LARGE1: variants seen among roughly 807,000 people sequenced by gnomAD.
LARGE1 encodes LARGE xylosyl- and glucuronyltransferase 1.
LARGE1 carries 43 observed loss-of-function variants against 87.6 expected under a neutral mutation model. That is an observed-to-expected ratio of 0.49 (90% confidence interval 0.38 to 0.63). The LOEUF is 0.63. LARGE1 is among the 30% of genes least tolerant of loss of function. The pLI is 0.00. For synonymous variants in LARGE1, 434 were observed against 394.6 expected (o/e 1.10, Z -1.18); for missense variants, 802 against 1,000.2 (o/e 0.80, Z 2.67).
chr22:33,710,073 C>T (rs535536475), intron 2 of LARGE1, among the ~76,000 whole-genome samples: 26 of 151,722 alleles, frequency 1.7e-4, no homozygotes, highest in South Asian at 1.0e-3. Context: ...ATGCTACTGC[C>T]GTTCAACAAA....
rs191670684 is a variant in LARGE1 at position 33,661,928 on chromosome 22, G to C, written c.107-11260C>G. Among the ~76,000 whole-genome samples the C allele has an allele frequency of 1.8e-4, 27 of 152,112 alleles. 1 individual carries two copies. The highest frequency in any genetic ancestry group is 1.7e-3 in the Admixed American group (26 of 15,288). ...AAGACAGTTGTTCCATGAATGTCTT[G>C]GGACTGTAAGAAGAAAACTGAATGT... On this transcript the variant is annotated intron_variant, in intron 2 of 14. Coordinates refer to ENST00000397394, the MANE Select transcript of LARGE1 (RefSeq NM_133642.5).
chr22:33,737,023 G>T (rs543691592), intron 2 of LARGE1, among the ~76,000 whole-genome samples: 1 of 152,102 alleles, frequency 6.6e-6, no homozygotes, highest in Non-Finnish European at 1.5e-5. Context: ...TGACATGCAC[G>T]AAGACCTGGA....
intron 5 of LARGE1, among the ~76,000 whole-genome samples, chr22:33,578,815 C>T (rs181203747): frequency 4.9e-4 from 75 of 152,250 alleles, no homozygotes; most frequent in Admixed American, 2.4e-3. Flanking sequence ...ATTAATTGTA[C>T]TCAGAAATGG....
chr22:33,494,409 A>G (rs2070001950), intron 6 of LARGE1, among the ~76,000 whole-genome samples: 1 of 152,254 alleles, frequency 6.6e-6, no homozygotes, highest in Non-Finnish European at 1.5e-5. Context: ...TGCTTCTAAA[A>G]TATAACAAAG....
At chr22:33,799,228 G>A (rs1048707348) in intron 1 of LARGE1, among the ~76,000 whole-genome samples, 2 of 151,984 alleles carry the variant, frequency 1.3e-5, no homozygotes, top group Non-Finnish European at 2.9e-5. Context: ...GGTAGGATGC[G>A]AGCCTATCCA....
chr22:33,909,395 A>G (rs548140272), intron 1 of LARGE1, among the ~76,000 whole-genome samples: 8 of 152,130 alleles, frequency 5.3e-5, no homozygotes, highest in African/African-American at 1.7e-4. Flanking sequence ...CCCCGCTTCA[A>G]TTTGTCCCAG....
At chr22:33,257,570 G>A (rs897707480) in intron 11 of LARGE1, among the ~76,000 whole-genome samples, 11 of 152,168 alleles carry the variant, frequency 7.2e-5, no homozygotes, top group Admixed American at 6.5e-4. Context: ...GACCTCCCTA[G>A]GAGATAACGC....
intron 2 of LARGE1, among the ~76,000 whole-genome samples, chr22:33,692,243 C>G (rs907181947): frequency 2.6e-5 from 4 of 152,182 alleles, no homozygotes; most frequent in African/African-American, 9.7e-5. Flanking sequence ...CAAAACTATT[C>G]ATGCAGCCAT....
chr22:33,232,730 C>A (rs1926068606), intron 11 of LARGE1, among the ~76,000 whole-genome samples: 1 of 152,136 alleles, frequency 6.6e-6, no homozygotes, highest in African/African-American at 2.4e-5. Flanking sequence ...GAAAGCTGGG[C>A]AGCATGGAAG....
intron 6 of LARGE1, among the ~76,000 whole-genome samples, chr22:33,533,560 T>C (rs1468426560): frequency 6.6e-6 from 1 of 152,216 alleles, no homozygotes; most frequent in Non-Finnish European, 1.5e-5. Flanking sequence ...CCAACAGATG[T>C]AAAATGCCCC....
chr22:33,231,987 T>C (rs952657063), intron 11 of LARGE1, among the ~76,000 whole-genome samples: 5 of 152,182 alleles, frequency 3.3e-5, no homozygotes, highest in Admixed American at 2.6e-4. Flanking sequence ...CTGGAAAGAA[T>C]TGTATGTATG....
At chr22:33,405,378 T>C (rs1330425537) in intron 7 of LARGE1, among the ~76,000 whole-genome samples, 1 of 152,198 alleles carries the variant, frequency 6.6e-6, no homozygotes, top group African/African-American at 2.4e-5. Flanking sequence ...GCTACATTCT[T>C]GTTCTCTGGC....
chr22:33,330,540 G>A (rs746192357), intron 10 of LARGE1, among the ~76,000 whole-genome samples: 7 of 152,140 alleles, frequency 4.6e-5, no homozygotes, highest in African/African-American at 7.2e-5. Context: ...GGAGAGAAAT[G>A]CTAAGGTATA....
At chr22:33,584,472 T>TAGGGAA (rs2078610705) in intron 5 of LARGE1, among the ~76,000 whole-genome samples, 2 of 152,230 alleles carry the variant, frequency 1.3e-5, no homozygotes, top group Non-Finnish European at 2.9e-5. Context: ...TTTCATTAGT[T>TAGGGAA]TTCACTAAAT....
At chr22:33,841,556 A>G (rs1205367971) in intron 1 of LARGE1, among the ~76,000 whole-genome samples, 1 of 152,210 alleles carries the variant, frequency 6.6e-6, no homozygotes, top group Non-Finnish European at 1.5e-5. Flanking sequence ...GCCAGTGGGA[A>G]AGAACACACA....
At chr22:33,070,073 C>T in the LARGE1 span, among the ~76,000 whole-genome samples, 6 of 152,156 alleles carry the variant, frequency 3.9e-5, no homozygotes, top group South Asian at 4.1e-4. Context: ...CCACCCGCCT[C>T]GGCCTCCGAA....
chr22:33,462,579 G>C (rs1054150983), intron 6 of LARGE1, among the ~76,000 whole-genome samples: 1 of 152,174 alleles, frequency 6.6e-6, no homozygotes, highest in African/African-American at 2.4e-5. Flanking sequence ...TCAGGAGTTT[G>C]AGACTAGCCT....
chr22:33,605,828 G>C (rs2148985654), intron 4 of LARGE1, among the ~76,000 whole-genome samples: 1 of 152,304 alleles, frequency 6.6e-6, no homozygotes, highest in South Asian at 2.1e-4. Flanking sequence ...GCACGGGGCG[G>C]AATGTGATAA....
At chr22:33,896,695 A>G (rs2065154212) in intron 1 of LARGE1, among the ~76,000 whole-genome samples, 1 of 152,172 alleles carries the variant, frequency 6.6e-6, no homozygotes, top group Non-Finnish European at 1.5e-5. Context: ...GCCTAGCGAC[A>G]CTGATCCCTT....
Sources: allele counts gnomAD v4.1 joint callset (sites outside exome capture counted in the v4.1 genomes callset), GRCh38; gene constraint gnomAD v4.1.1; transcripts MANE v1.5; gene names NCBI Gene and HGNC (gene_info 2026-07-23, HGNC 2026-07-21).